MED6: variants seen among roughly 807,000 people sequenced by gnomAD.
MED6 encodes mediator of RNA polymerase II transcription subunit 6.
In MED6, 33 loss-of-function variants were observed where a neutral mutation model predicts 37.5. That is an observed-to-expected ratio of 0.88 (90% CI 0.67 to 1.18). The LOEUF is 1.18. Among genes scored for constraint, MED6 ranks in the 50% most tolerant of loss-of-function variants. The pLI is 0.00. For missense variants in MED6, 235 were observed against 290.6 expected (o/e 0.81, Z 1.39); for synonymous variants, 94 against 93.6 (o/e 1.00, Z -0.02).
chr14:70,587,827 A>G (rs925087007), intron 6 of MED6, among the ~76,000 whole-genome samples: 1 of 152,240 alleles, frequency 6.6e-6, no homozygotes, highest in Non-Finnish European at 1.5e-5. Context: ...GTCCTCATAA[A>G]AGGCTCCAAG....
intron 3 of MED6, chr14:70,594,855 G>T: frequency 1.5e-6 from 1 of 660,438 alleles, no homozygotes; most frequent in Non-Finnish European, 2.8e-6. Flanking sequence ...ACAGAGTGAG[G>T]AGCCTGGAGA....
intron 6 of MED6, among the ~76,000 whole-genome samples, chr14:70,587,495 A>T (rs1015149091): frequency 2.6e-5 from 4 of 152,202 alleles, no homozygotes; most frequent in African/African-American, 9.7e-5. Flanking sequence ...AGGAGAGGAA[A>T]CATAGGGAGG....
rs191577008 is a variant in MED6 at position 70,589,528 on chromosome 14, T to G, written c.582+1738A>C. Among the ~76,000 whole-genome samples, 45 of 152,244 alleles carry G rather than the reference T, an allele frequency of 3.0e-4. 1 individual carries two copies. In the East Asian group the frequency reaches 7.9e-3, roughly 27 times the overall value. ...TTTTAGTGAGAATACACTCCTAGAG[T>G]ATATACTTGAAAAACATTATACAAA... On this transcript the variant is annotated intron_variant, in intron 6 of 7. Transcript: ENST00000256379.
Position 70,585,752 on chromosome 14 carries a change from A to AT in MED6, c.610+3dup. On this transcript the variant is annotated splice_donor_region_variant and intron_variant, in intron 7 of 7. Transcript: ENST00000256379. ...GCGTAATAAGAATATTACATGAACCATACCTGGAACAGGCTTTTCTCCAGG... is the reference window on the plus strand; with the variant it reads ...GCGTAATAAGAATATTACATGAACCATTACCTGGAACAGGCTTTTCTCCAGG... The AT allele has an allele frequency of 6.3e-7, 1 of 1,599,752 alleles. No individual in the cohort carries two copies.
chr14:70,600,346 T>C (rs183115263), intron 1 of MED6, among the ~76,000 whole-genome samples: 2 of 152,016 alleles, frequency 1.3e-5, no homozygotes, highest in Admixed American at 1.3e-4. Context: ...GAGATACGTG[T>C]GTAGAACAAA....
chr14:70,596,722 A>G lies in MED6; in HGVS notation c.183-20T>C. 1 of 1,556,660 alleles carries G rather than the reference A, an allele frequency of 6.4e-7. No individual in the cohort carries two copies. The highest frequency in any genetic ancestry group is 8.8e-7 in the Non-Finnish European group (1 of 1,130,730). Reference sequence around the variant, plus strand: ...ATCTGACTGAAAACAGAACACAGACATCCAAAGATCTATAAACGCCCTACA... The same window carrying G: ...ATCTGACTGAAAACAGAACACAGACGTCCAAAGATCTATAAACGCCCTACA... On this transcript the variant is annotated intron_variant, in intron 2 of 7. Coordinates refer to ENST00000256379, the MANE Select transcript of MED6 (RefSeq NM_005466.4).
chr14:70,597,720 C>G lies in MED6; in HGVS notation c.80G>C (p.Gly27Ala). The change falls in exon 2 of 8, where the codon GGT (glycine) becomes GCT (alanine). Residue 27 changes from glycine (G) to alanine (A), a missense_variant. Gly to Ala is a moderately conservative substitution (Grantham distance 60). Coordinates refer to ENST00000256379, the MANE Select transcript of MED6 (RefSeq NM_005466.4). ...DSSWIPILNS[G>A]SVLDYFSERS... is the part of the protein sequence containing the mutation. ...TTCTGAAAAGTAATCCAGGACACTA[C>G]CACTGTTCAAAATAGGGATCCAAGA... 1.3e-6 allele frequency: 2 copies of G among 1,563,458 alleles called. No homozygotes were observed. Among genetic ancestry groups the G allele is most frequent in the South Asian group, 2.5e-5 (2 of 81,326 alleles).
intron 1 of MED6, among the ~76,000 whole-genome samples, chr14:70,598,469 C>T (rs149373283): frequency 0.015 from 2,206 of 151,150 alleles, 20 homozygotes; most frequent in African/African-American, 0.034. Context: ...AGCGAGACTC[C>T]GTCTCAAAAA....
rs1340188058 is a variant in MED6 at position 70,583,362 on chromosome 14, A to T, written c.*1451T>A. ...TTCTTCAACTACTTTAAATACTAAA[A>T]TACCACTTTTGCTACTTAACACTAA... On this transcript the variant is annotated 3_prime_UTR_variant, in exon 8 of 8. Transcript: ENST00000256379. 1.3e-5 allele frequency: 2 copies of T among 152,264 alleles called. No homozygotes were observed. Among genetic ancestry groups the T allele is most frequent in the Non-Finnish European group, 2.9e-5 (2 of 68,044 alleles). 9.4% of individuals were successfully genotyped at this position (152,264 alleles called of 1,614,324 possible).
chr14:70,597,755 C>A lies in MED6; in HGVS notation c.45G>T (p.Trp15Cys). The A allele has an allele frequency of 2.6e-6, 4 of 1,547,844 alleles. No individual in the cohort carries two copies. The highest frequency in any genetic ancestry group is 2.4e-5 in the East Asian group (1 of 40,918). The change falls in exon 2 of 8, where the codon TGG becomes TGT. Residue 15 changes from tryptophan to cysteine, a missense_variant. Transcript: ENST00000256379. Reference sequence around the variant, plus strand: ...AAATAGGGATCCAAGAGCTGTCAACCCAAGAAATTCCCAGCAGATTGTCTA... The same window carrying A: ...AAATAGGGATCCAAGAGCTGTCAACACAAGAAATTCCCAGCAGATTGTCTA... ...DIRDNLLGIS[W>C]VDSSWIPILN...
At position 70,592,883 on chromosome 14, in the gene MED6, G is replaced by T. The variant is rs765205371; in HGVS notation, c.463C>A (p.Gln155Lys). ...AGGGTATGGATGTTCTACTTACCTT[G>T]CTCTTCATGATCTTTGAAGTGCCAC... Reference protein sequence around the residue: ...YWWHFKDHEEQDKVRPKAKRK... With the variant: ...YWWHFKDHEEKDKVRPKAKRK... Residue 155 changes from glutamine (Q) to lysine (K), a missense_variant, in exon 5 of 8, where the codon CAA (glutamine) becomes AAA (lysine). Coordinates refer to ENST00000256379, the MANE Select transcript of MED6 (RefSeq NM_005466.4). 30 of 1,613,456 alleles carry T rather than the reference G, an allele frequency of 1.9e-5. No homozygotes were observed. Among genetic ancestry groups the T allele is most frequent in the Admixed American group, 1.7e-5 (1 of 59,980 alleles).
At chr14:70,596,032 G>A (rs1263108002) in intron 3 of MED6, among the ~76,000 whole-genome samples, 1 of 152,168 alleles carries the variant, frequency 6.6e-6, no homozygotes, top group East Asian at 1.9e-4. Flanking sequence ...AAGAGTCCTG[G>A]TATCCAAGTA....
intron 6 of MED6, among the ~76,000 whole-genome samples, chr14:70,586,271 T>C (rs1566673551): frequency 6.6e-6 from 1 of 152,210 alleles, no homozygotes; most frequent in Admixed American, 6.5e-5. Context: ...CTGATGAGTC[T>C]ATTATTAAAA....
chr14:70,600,343 G>C (rs2139607932), intron 1 of MED6, among the ~76,000 whole-genome samples: 1 of 151,812 alleles, frequency 6.6e-6, no homozygotes, highest in East Asian at 1.9e-4. Flanking sequence ...GCAGAGATAC[G>C]TGTGTAGAAC....
Position 70,593,145 on chromosome 14 carries a change from C to G in MED6, c.357+151G>C, listed in dbSNP as rs925196003. The G allele has an allele frequency of 7.1e-6, 9 of 1,276,248 alleles. No homozygotes were observed. In the East Asian group the frequency reaches 2.2e-4, roughly 31 times the overall value. The allele number at this position is 1,276,248 out of a possible 1,614,324, so 79.1% of individuals were successfully genotyped here. ...CTATGAAATATACTTTGAGCACCGA[C>G]TTGGCTCACAGTAACCAAAGTTCAA... On this transcript the variant is annotated intron_variant, in intron 4 of 7. Coordinates refer to ENST00000256379, the MANE Select transcript of MED6 (RefSeq NM_005466.4).
intron 3 of MED6, among the ~76,000 whole-genome samples, chr14:70,594,313 T>C (rs1279335289): frequency 1.3e-5 from 2 of 152,216 alleles, no homozygotes; most frequent in Non-Finnish European, 2.9e-5. Flanking sequence ...AAATCTGGAC[T>C]CTACACTCTT....
chr14:70,590,829 T>C (rs1353265723), intron 6 of MED6, among the ~76,000 whole-genome samples: 2 of 152,260 alleles, frequency 1.3e-5, no homozygotes, highest in African/African-American at 2.4e-5. Context: ...CTGTTTATTA[T>C]GCCAAACACT....
intron 3 of MED6, chr14:70,594,784 C>G: frequency 1.7e-6 from 1 of 572,986 alleles, no homozygotes. Context: ...GCATCCAGAA[C>G]GAGGAGGAGA....
chr14:70,588,385 C>A lies in MED6; in HGVS notation c.583-2602G>T, dbSNP rs140665482. On this transcript the variant is annotated intron_variant, in intron 6 of 7. Coordinates refer to ENST00000256379, the MANE Select transcript of MED6 (RefSeq NM_005466.4). The stretch of plus-strand genomic sequence containing the variant: ...GAAATGATATGAAATCTGCAGTCTG[C>A]TTAAAAATAATTGGGAGGGGCCGGG... 2.0e-5 allele frequency among the ~76,000 whole-genome samples: 3 copies of A among 152,042 alleles called. 1 individual carries two copies. The East Asian group carries it at 5.8e-4, about 29-fold the overall frequency.
Sources: gnomAD v4.1 joint callset for allele counts (sites outside exome capture counted in the v4.1 genomes callset) on GRCh38, gnomAD v4.1.1 for gene constraint, MANE v1.5 for transcripts, NCBI Gene and HGNC (gene_info 2026-07-23, HGNC 2026-07-21) for gene names.